The following DAPK1 variants were observed in gnomAD, a reference collection of about 807,000 sequenced individuals.
DAPK1 encodes the protein death-associated protein kinase 1.
Under a neutral mutation model 144.9 loss-of-function variants are expected in DAPK1, and 56 were observed. The ratio of observed to expected loss-of-function variants is 0.39; its 90% confidence interval spans 0.31 to 0.48. The LOEUF is 0.48. DAPK1 is among the 20% of genes least tolerant of loss of function. The pLI, the probability that DAPK1 is intolerant of heterozygous loss-of-function variation, is 0.95. For missense variants in DAPK1, 1,454 were observed against 1,875.4 expected (o/e 0.78, Z 4.15); for synonymous variants, 690 against 749.0 (o/e 0.92, Z 1.29).
chr9:87,706,777 T>G lies in DAPK1; in HGVS notation c.3706T>G (p.Tyr1236Asp), dbSNP rs1825656722. 6.2e-7 allele frequency: 1 copy of G among 1,613,370 alleles called. No individual in the cohort carries two copies. The highest frequency in any genetic ancestry group is 1.7e-5 in the Admixed American group (1 of 60,002). Residue 1236 changes from tyrosine (Y) to aspartate (D), a missense_variant, in exon 26 of 26, where the codon TAC becomes GAC. Transcript: ENST00000408954. The surrounding 1 kb of genome is among the most constrained non-coding windows in gnomAD (Gnocchi z 9.0). ...GCCAGGGCTCCTGACCGTGAAGCAT[T>G]ACCTGAGCCCCCAGCAGCTGCGGGA... ...TLPGLLTVKH[Y>D]LSPQQLREHH...
Position 87,700,028 on chromosome 9 carries a change from G to T in DAPK1, c.2751-89G>T, listed in dbSNP as rs959783162. 2.8e-6 allele frequency: 3 copies of T among 1,070,608 alleles called. No individual in the cohort carries two copies. In the African/African-American group the frequency reaches 4.7e-5, roughly 17 times the overall value. 66.3% of individuals were successfully genotyped at this position (1,070,608 alleles called of 1,614,324 possible). ...CCAGAACTTTCCTTCCCTCCTACCAGCCTCTTGAGCCAGTAGGAGCCTGGC... is the reference window on the plus strand; with the variant it reads ...CCAGAACTTTCCTTCCCTCCTACCATCCTCTTGAGCCAGTAGGAGCCTGGC... On this transcript the variant is annotated intron_variant, in intron 23 of 25. Transcript: ENST00000408954.
chr9:87,674,928 A>G (rs1339422518), intron 19 of DAPK1, among the ~76,000 whole-genome samples: 1 of 152,248 alleles, frequency 6.6e-6, no homozygotes, highest in Non-Finnish European at 1.5e-5. Flanking sequence ...AATAACATTC[A>G]TTCACTCACA....
rs146752333 is a variant in DAPK1 at position 87,661,820 on chromosome 9, C to A, written c.1923+3693C>A. On this transcript the variant is annotated intron_variant, in intron 18 of 25. Transcript: ENST00000408954. ...GATTATTTCTTTTGCTGTGCAGAAG[C>A]TTTTAGTTTAAGTCCTGTTCGTCTA... 3.0e-3 allele frequency among the ~76,000 whole-genome samples: 460 copies of A among 152,234 alleles called. 7 individuals are homozygous for A. The East Asian group carries it at 0.034, about 11-fold the overall frequency.
At chr9:87,614,032 C>T (rs1357698612) in intron 3 of DAPK1, among the ~76,000 whole-genome samples, 1 of 152,208 alleles carries the variant, frequency 6.6e-6, no homozygotes, top group Admixed American at 6.5e-5. Flanking sequence ...CAGTCTCTGC[C>T]TTTCAAAGCA....
intron 3 of DAPK1, among the ~76,000 whole-genome samples, chr9:87,634,400 C>G (rs1428999255): frequency 6.6e-6 from 1 of 152,180 alleles, no homozygotes; most frequent in Non-Finnish European, 1.5e-5. Context: ...ATCTCTTCTT[C>G]CTGGGTTTCT....
chr9:87,613,641 G>T (rs1191584567), intron 3 of DAPK1, among the ~76,000 whole-genome samples: 2 of 152,218 alleles, frequency 1.3e-5, no homozygotes, highest in African/African-American at 2.4e-5. Context: ...AGCCTTTGAA[G>T]AAACACATGC....
intron 3 of DAPK1, among the ~76,000 whole-genome samples, chr9:87,635,474 G>T (rs571926937): frequency 6.6e-6 from 1 of 152,290 alleles, no homozygotes; most frequent in Admixed American, 6.5e-5. Context: ...CACAGCAGAA[G>T]TTTCAGTTCC....
chr9:87,500,040 T>C (rs982571945), intron 2 of DAPK1, among the ~76,000 whole-genome samples: 1 of 152,232 alleles, frequency 6.6e-6, no homozygotes, highest in Non-Finnish European at 1.5e-5. Context: ...TATTTACTTA[T>C]ATGTGCATTG....
At chr9:87,619,871 G>C (rs1406444447) in intron 3 of DAPK1, among the ~76,000 whole-genome samples, 1 of 152,182 alleles carries the variant, frequency 6.6e-6, no homozygotes, top group East Asian at 1.9e-4. Flanking sequence ...AGCTGCCAAT[G>C]CATATTTCTG....
intron 2 of DAPK1, among the ~76,000 whole-genome samples, chr9:87,596,445 G>A (rs968115890): frequency 3.9e-5 from 6 of 152,224 alleles, no homozygotes; most frequent in African/African-American, 1.2e-4. Context: ...AACACTGAAG[G>A]CATCTCAGTG....
At chr9:87,644,075 A>G (rs760219086) in intron 11 of DAPK1, among the ~76,000 whole-genome samples, 11 of 152,064 alleles carry the variant, frequency 7.2e-5, no homozygotes, top group Admixed American at 1.3e-4. Flanking sequence ...TGTAACTCCA[A>G]CTTTCTTAGT....
intron 18 of DAPK1, among the ~76,000 whole-genome samples, chr9:87,665,892 C>T (rs551081633): frequency 3.9e-5 from 6 of 152,326 alleles, no homozygotes; most frequent in Admixed American, 1.3e-4. Context: ...AGATGATGGA[C>T]AGCTGAGTGC....
chr9:87,681,809 C>T, intron 20 of DAPK1, 183 bp downstream of exon 20: 2 of 614,976 alleles, frequency 3.3e-6, no homozygotes, highest in South Asian at 1.9e-5. Flanking sequence ...TGTTGTCCAG[C>T]AGTAACAGAC....
At chr9:87,673,447 TG>T (rs1192489375) in intron 19 of DAPK1, among the ~76,000 whole-genome samples, 1 of 152,220 alleles carries the variant, frequency 6.6e-6, no homozygotes, top group African/African-American at 2.4e-5. Context: ...CAATGGGATT[TG>T]GCATCTGGAA....
In DAPK1 at chr9:87,562,606, A is replaced by G. The variant is rs184522131; in HGVS notation, c.63-42348A>G. Among the ~76,000 whole-genome samples the G allele has an allele frequency of 1.5e-3, 229 of 152,352 alleles. 1 individual carries two copies. Among genetic ancestry groups the G allele is most frequent in the Non-Finnish European group, 2.6e-3 (174 of 68,034 alleles). The stretch of plus-strand genomic sequence containing the variant: ...AAATAGAGAATTCTATAATATTTTT[A>G]TAGAAAAGAGTATTAGGAATTGAGT... On this transcript the variant is annotated intron_variant, in intron 2 of 25. Coordinates refer to ENST00000408954, the MANE Select transcript of DAPK1 (RefSeq NM_004938.4).
At chr9:87,517,149 G>A (rs1225938232) in intron 2 of DAPK1, among the ~76,000 whole-genome samples, 1 of 152,114 alleles carries the variant, frequency 6.6e-6, no homozygotes, top group African/African-American at 2.4e-5. Flanking sequence ...GCGATTGGGG[G>A]CAGGGGAGGA....
intron 21 of DAPK1, among the ~76,000 whole-genome samples, chr9:87,692,939 G>T (rs1476801266): frequency 1.0e-5 from 1 of 99,036 alleles, no homozygotes; most frequent in Non-Finnish European, 1.9e-5. Flanking sequence ...GCGTTCCCTT[G>T]TAAGTGACTA....
chr9:87,513,484 TC>T (rs1407462978), intron 2 of DAPK1, among the ~76,000 whole-genome samples: 2 of 152,206 alleles, frequency 1.3e-5, no homozygotes, highest in Non-Finnish European at 2.9e-5. Context: ...TATGTATGTC[TC>T]TACCCTTGCC....
At chr9:87,647,441 G>A (rs1380262531) in intron 14 of DAPK1, 38 bp downstream of exon 14, 1 of 1,540,098 alleles carries the variant, frequency 6.5e-7, no homozygotes, top group Non-Finnish European at 9.0e-7. Flanking sequence ...TGAGGTGGTA[G>A]TAAATGGATG....
Sources: allele counts gnomAD v4.1 joint callset (sites outside exome capture counted in the v4.1 genomes callset), GRCh38; gene constraint gnomAD v4.1.1; non-coding constraint Gnocchi (gnomAD v3.1); transcripts MANE v1.5; gene names NCBI Gene and HGNC (gene_info 2026-07-23, HGNC 2026-07-21).